TREM1: variants seen among roughly 807,000 people sequenced by gnomAD.
The protein encoded by TREM1 is triggering receptor expressed on myeloid cells 1.
A neutral mutation model predicts 22.4 loss-of-function variants in TREM1; 16 were observed. The ratio of observed to expected loss-of-function variants is 0.71; its 90% CI spans 0.48 to 1.08. The LOEUF (loss-of-function observed/expected upper bound fraction) is 1.08, where lower values mean the gene tolerates loss of function less well. Ranked by LOEUF, TREM1 falls within the 50% of genes least tolerant of loss-of-function variation. TREM1 has a pLI of 0.00. For missense variants in TREM1, 283 were observed against 282.9 expected, an observed-to-expected ratio of 1.00 and a Z score of 0.00; for synonymous variants, 110 against 111.6, an observed-to-expected ratio of 0.99 and a Z score of 0.09.
intron 3 of TREM1, among the ~76,000 whole-genome samples, chr6:41,277,370 T>TGGGGCAGAGAGACAGGCAGCAA (rs1767713924): frequency 6.8e-6 from 1 of 147,080 alleles, no homozygotes; most frequent in African/African-American, 2.5e-5. Context: ...GGGGCAGGGA[T>TGGGGCAGAGAGACAGGCAGCAA]GGGGCAGAGA....
Position 41,282,529 on chromosome 6 carries a change from T to C in TREM1, c.272A>G (p.His91Arg), listed in dbSNP as rs1581634279. ...TCGGACGCGCAGTAAACCATGATCATGGTAGTCTTCTAGTATGATCCTCCC... is the reference window on the plus strand; with the variant it reads ...TCGGACGCGCAGTAAACCATGATCACGGTAGTCTTCTAGTATGATCCTCCC... The part of the protein sequence containing the change: ...QVGRIILEDY[H>R]DHGLLRVRMV... The change falls in exon 2 of 4, where the codon CAT becomes CGT. Residue 91 changes from histidine (H) to arginine (R), a missense_variant. His to Arg is a conservative substitution (Grantham distance 29, BLOSUM62 0). Transcript: ENST00000244709. 5.0e-6 allele frequency: 8 copies of C among 1,614,190 alleles called. No homozygotes were observed. The highest frequency in any genetic ancestry group is 1.6e-4 in the Middle Eastern group (1 of 6,062).
intron 3 of TREM1, among the ~76,000 whole-genome samples, chr6:41,276,796 A>G (rs1242887478): frequency 1.3e-5 from 2 of 152,084 alleles, no homozygotes; most frequent in African/African-American, 4.8e-5. Flanking sequence ...GTGGCATGGT[A>G]AGACACAGGG....
intron 3 of TREM1, among the ~76,000 whole-genome samples, chr6:41,276,899 A>G (rs576994073): frequency 3.3e-5 from 5 of 152,252 alleles, no homozygotes; most frequent in Middle Eastern, 3.4e-3. Flanking sequence ...CCAGTGGATA[A>G]GCCGGACGTG....
At chr6:41,268,339 T>C (rs1346085213) in intron 3 of TREM1, among the ~76,000 whole-genome samples, 2 of 152,270 alleles carry the variant, frequency 1.3e-5, no homozygotes, top group African/African-American at 4.8e-5. Flanking sequence ...AAGATAATTA[T>C]GTTTAAGCGT....
chr6:41,279,007 A>G (rs1025729750), intron 3 of TREM1, among the ~76,000 whole-genome samples: 3 of 152,180 alleles, frequency 2.0e-5, no homozygotes, highest in African/African-American at 7.2e-5. Context: ...AAGCTAAAAC[A>G]AAAGGAAAAA....
chr6:41,280,079 A>G (rs1013794851), intron 3 of TREM1: 1 of 953,248 alleles, frequency 1.0e-6, no homozygotes, highest in Non-Finnish European at 1.2e-6. Context: ...AATTTCAGCA[A>G]GGAAAAGAAT....
intron 3 of TREM1, among the ~76,000 whole-genome samples, chr6:41,278,686 AG>A (rs1302060239): frequency 6.6e-6 from 1 of 152,102 alleles, no homozygotes; most frequent in Non-Finnish European, 1.5e-5. Flanking sequence ...AAAGAAAAAA[AG>A]CTTCTTCTTT....
intron 3 of TREM1, among the ~76,000 whole-genome samples, chr6:41,276,631 G>A (rs747860536): frequency 1.3e-5 from 2 of 152,154 alleles, no homozygotes; most frequent in Admixed American, 6.5e-5. Flanking sequence ...TCCACCCGTA[G>A]TGAAAATCTC....
At chr6:41,281,461 A>T in intron 2 of TREM1, 1 of 361,776 alleles carries the variant, frequency 2.8e-6, no homozygotes, top group South Asian at 3.9e-5. Context: ...TGTCATTCGT[A>T]CTGTTGGAAA....
In TREM1 at chr6:41,280,997, G is replaced by A; in HGVS notation, c.563C>T (p.Ser188Phe). The change falls in exon 3 of 4, where the codon TCT becomes TTT. Residue 188 changes from serine (S) to phenylalanine (F), a missense_variant. Coordinates refer to ENST00000244709, the MANE Select transcript of TREM1 (RefSeq NM_018643.5). ...KSTADVSTPD[S>F]EINLTNVTDI... ...TGTCACATTTGTAAGGTTGATTTCAGAGTCAGGAGTGGAGACATCGGCAGT... is the reference window on the plus strand; with the variant it reads ...TGTCACATTTGTAAGGTTGATTTCAAAGTCAGGAGTGGAGACATCGGCAGT... The A allele has an allele frequency of 6.2e-7, 1 of 1,614,268 alleles. No homozygotes were observed. Among genetic ancestry groups the A allele is most frequent in the Middle Eastern group, 1.6e-4 (1 of 6,062 alleles).
At position 41,285,744 on chromosome 6, in the gene TREM1, A is replaced by T. The variant is rs893811962; in HGVS notation, c.49+863T>A. Reference sequence around the variant, plus strand: ...CAAGGAAATGCACTTGTCCATGAGGAGCTAACTCCCTTCTGCCCATCTAGA... The same window carrying T: ...CAAGGAAATGCACTTGTCCATGAGGTGCTAACTCCCTTCTGCCCATCTAGA... On this transcript the variant is annotated intron_variant, in intron 1 of 3. Transcript: ENST00000244709. 1.7e-4 allele frequency among the ~76,000 whole-genome samples: 26 copies of T among 152,194 alleles called. 1 individual carries two copies. Among genetic ancestry groups the T allele is most frequent in the Non-Finnish European group, 4.4e-5 (3 of 68,034 alleles).
At chr6:41,279,786 A>C in intron 3 of TREM1, 1 of 985,462 alleles carries the variant, frequency 1.0e-6, no homozygotes, top group Non-Finnish European at 1.2e-6. Context: ...TGCTTAATGG[A>C]TCACACTGCA....
chr6:41,267,389 G>A (rs1767361011), downstream of TREM1, among the ~76,000 whole-genome samples: 1 of 152,166 alleles, frequency 6.6e-6, no homozygotes, highest in African/African-American at 2.4e-5. Context: ...AATAGATAAT[G>A]CAGAAGTTTC....
chr6:41,278,516 T>A lies in TREM1; in HGVS notation c.600-2286A>T, dbSNP rs555087060. Among the ~76,000 whole-genome samples, 5 of 151,738 alleles carry A rather than the reference T, an allele frequency of 3.3e-5. No homozygotes were observed. In the South Asian group the frequency reaches 1.0e-3, roughly 32 times the overall value. On this transcript the variant is annotated intron_variant, in intron 3 of 3. Coordinates refer to ENST00000244709, the MANE Select transcript of TREM1 (RefSeq NM_018643.5). ...GAGACCCCCATCTCTACAAAAATAA[T>A]AAAAAGTATTAGCTGTCCTGGTGGT... is the stretch of plus-strand genomic sequence containing the variant.
In TREM1 at chr6:41,282,251, C is replaced by T. The variant is rs948425168; in HGVS notation, c.406+144G>A. Reference sequence around the variant, plus strand: ...TCTCATGCATGGAAGGTTCTACTTACTACTGGACCTTAGATGAGAGATAAA... The same window carrying T: ...TCTCATGCATGGAAGGTTCTACTTATTACTGGACCTTAGATGAGAGATAAA... On this transcript the variant is annotated intron_variant, in intron 2 of 3. Transcript: ENST00000244709. 10 of 674,958 alleles carry T rather than the reference C, an allele frequency of 1.5e-5. No individual in the cohort carries two copies. The East Asian group carries it at 2.6e-4, about 17-fold the overall frequency. The allele number at this position is 674,958 out of a possible 1,614,324, so 41.8% of individuals were successfully genotyped here.
At chr6:41,279,822 C>G in intron 3 of TREM1, 1 of 985,342 alleles carries the variant, frequency 1.0e-6, no homozygotes. Flanking sequence ...TTTGGAAGAC[C>G]ATTGGTAGAT....
chr6:41,274,687 A>C lies in TREM1; in HGVS notation c.*1438T>G, dbSNP rs149823868. On this transcript the variant is annotated 3_prime_UTR_variant, in exon 4 of 4. Coordinates refer to ENST00000244709, the MANE Select transcript of TREM1 (RefSeq NM_018643.5). Reference sequence around the variant, plus strand: ...GGCTCAAAATTGCGGTTCAGAAATCATCTCTCTAGGGTCATTACCATTACC... The same window carrying C: ...GGCTCAAAATTGCGGTTCAGAAATCCTCTCTCTAGGGTCATTACCATTACC... Among the ~76,000 whole-genome samples the C allele has an allele frequency of 2.1e-3, 323 of 152,280 alleles. 2 individuals carry two copies. The highest frequency in any genetic ancestry group is 0.02 in the Middle Eastern group (6 of 294).
rs1484279081 is a variant in TREM1 at position 41,282,641 on chromosome 6, C to G, written c.160G>C (p.Ala54Pro). The change falls in exon 2 of 4, where the codon GCT becomes CCT. Residue 54 changes from alanine (A) to proline (P), a missense_variant. Physicochemically the swap from Ala to Pro is conservative, Grantham distance 27. Coordinates refer to ENST00000244709, the MANE Select transcript of TREM1 (RefSeq NM_018643.5). ...TLEKFASSQK[A>P]WQIIRDGEMP... ...TCTCCGTCCCTTATTATCTGCCAAGCTTTCTGGCTGCTGGCAAACTTCTCT... is the reference window on the plus strand; with the variant it reads ...TCTCCGTCCCTTATTATCTGCCAAGGTTTCTGGCTGCTGGCAAACTTCTCT... 1 of 1,614,206 alleles carries G rather than the reference C, an allele frequency of 6.2e-7. No homozygotes were observed. Among genetic ancestry groups the G allele is most frequent in the East Asian group, 2.2e-5 (1 of 44,872 alleles).
downstream of TREM1, among the ~76,000 whole-genome samples, chr6:41,269,448 T>G (rs1767418449): frequency 2.0e-5 from 3 of 152,226 alleles, no homozygotes; most frequent in South Asian, 6.2e-4. Flanking sequence ...GCACCACTTA[T>G]CTGCAGAATG....
Sources: allele counts gnomAD v4.1 joint callset (sites outside exome capture counted in the v4.1 genomes callset), GRCh38; gene constraint gnomAD v4.1.1; transcripts MANE v1.5; gene names NCBI Gene and HGNC (gene_info 2026-07-23, HGNC 2026-07-21).